NLGN1: variants seen among roughly 807,000 people sequenced by gnomAD.
NLGN1 encodes neuroligin-1.
Under a neutral mutation model 65.5 loss-of-function variants are expected in NLGN1, and 12 were observed. That is an observed-to-expected ratio of 0.18 (90% CI 0.12 to 0.30). The LOEUF (loss-of-function observed/expected upper bound fraction) is 0.30, where lower values mean the gene tolerates loss of function less well. Among genes scored for constraint, NLGN1 ranks in the 10% least tolerant of loss-of-function variants. NLGN1 has a pLI of 1.00. For missense variants in NLGN1, 750 were observed against 1,007.1 expected (o/e 0.74, Z 3.46); for synonymous variants, 350 against 359.5 (o/e 0.97, Z 0.30).
chr3:173,806,174 A>G (rs1192613888), intron 3 of NLGN1, among the ~76,000 whole-genome samples: 1 of 152,174 alleles, frequency 6.6e-6, no homozygotes, highest in Non-Finnish European at 1.5e-5. Context: ...GCAATGAGCC[A>G]TTTCCCCAAC....
intron 4 of NLGN1, among the ~76,000 whole-genome samples, chr3:173,922,854 C>T (rs776709417): frequency 1.3e-5 from 2 of 152,010 alleles, no homozygotes; most frequent in Non-Finnish European, 2.9e-5. Context: ...TTAAATTCCA[C>T]GAGCAATTCC....
chr3:173,975,166 A>C (rs886683402), intron 4 of NLGN1, among the ~76,000 whole-genome samples: 2 of 152,044 alleles, frequency 1.3e-5, no homozygotes, highest in Non-Finnish European at 2.9e-5. Flanking sequence ...TAGGTAAAGT[A>C]ATTGTCTCTT....
At chr3:173,447,306 A>G (rs894218703) in intron 2 of NLGN1, among the ~76,000 whole-genome samples, 22 of 152,172 alleles carry the variant, frequency 1.4e-4, no homozygotes, top group Admixed American at 1.3e-3. Flanking sequence ...TCCCAGCACC[A>G]TTTATTAAAT....
chr3:173,542,712 C>CTG (rs1299892004), intron 2 of NLGN1, among the ~76,000 whole-genome samples: 5 of 151,924 alleles, frequency 3.3e-5, no homozygotes, highest in Non-Finnish European at 7.4e-5. Context: ...TCTTTAGAGG[C>CTG]TTTCATTCTA....
intron 4 of NLGN1, among the ~76,000 whole-genome samples, chr3:174,084,794 G>A (rs989566577): frequency 1.2e-4 from 18 of 152,022 alleles, no homozygotes; most frequent in African/African-American, 3.1e-4. Flanking sequence ...CATGATTCAT[G>A]TTTTTATATT....
Position 174,199,079 on chromosome 3 carries a change from T to G in NLGN1, c.647-76236T>G, listed in dbSNP as rs571058624. On this transcript the variant is annotated intron_variant, in intron 4 of 6. Coordinates refer to ENST00000457714, the Ensembl canonical transcript of NLGN1. ...CCAGGCTGGTCTCGAACTCCCGACTTCAGGTGATCCGCCCACCTCGGCCTC... is the reference window on the plus strand; with the variant it reads ...CCAGGCTGGTCTCGAACTCCCGACTGCAGGTGATCCGCCCACCTCGGCCTC... 4.9e-4 allele frequency among the ~76,000 whole-genome samples: 75 copies of G among 152,186 alleles called. 2 individuals carry two copies. The highest frequency in any genetic ancestry group is 1.7e-3 in the African/African-American group (71 of 41,516).
intron 3 of NLGN1, among the ~76,000 whole-genome samples, chr3:173,632,052 AG>A (rs1175918277): frequency 6.6e-6 from 1 of 152,134 alleles, no homozygotes; most frequent in African/African-American, 2.4e-5. Context: ...TAGCAATACT[AG>A]GAGGCAGCCT....
At chr3:174,057,023 T>A (rs1052918863) in intron 4 of NLGN1, among the ~76,000 whole-genome samples, 5 of 152,050 alleles carry the variant, frequency 3.3e-5, no homozygotes, top group African/African-American at 1.2e-4. Context: ...TTTGTTATCC[T>A]TCTGTAATTT....
chr3:174,017,864 C>T (rs1043705638), intron 4 of NLGN1, among the ~76,000 whole-genome samples: 1 of 152,082 alleles, frequency 6.6e-6, no homozygotes, highest in African/African-American at 2.4e-5. Context: ...AAGTTTCGGG[C>T]ACGTGTTGTC....
At chr3:174,131,457 C>T (rs1457075005) in intron 4 of NLGN1, among the ~76,000 whole-genome samples, 1 of 152,092 alleles carries the variant, frequency 6.6e-6, no homozygotes, top group Non-Finnish European at 1.5e-5. Context: ...AGTTCTGATT[C>T]ACATGGTGGC....
intron 2 of NLGN1, among the ~76,000 whole-genome samples, chr3:173,526,491 AC>A (rs768191928): frequency 6.6e-6 from 1 of 152,108 alleles, no homozygotes; most frequent in Non-Finnish European, 1.5e-5. Context: ...TATTAGGTGT[AC>A]ATATTTATGG....
intron 4 of NLGN1, among the ~76,000 whole-genome samples, chr3:173,944,724 G>A (rs1746841930): frequency 6.6e-6 from 1 of 152,112 alleles, no homozygotes; most frequent in South Asian, 2.1e-4. Flanking sequence ...AGCTTTTTGA[G>A]TACATCTTTG....
chr3:173,685,726 G>T, intron 3 of NLGN1: 3 of 985,358 alleles, frequency 3.0e-6, no homozygotes, highest in Non-Finnish European at 3.6e-6. Flanking sequence ...AGAGTACCAA[G>T]ATTGGGTGAT....
intron 3 of NLGN1, among the ~76,000 whole-genome samples, chr3:173,795,651 GA>G (rs1403422035): frequency 9.9e-5 from 15 of 152,142 alleles, no homozygotes; most frequent in Admixed American, 7.2e-4. Context: ...TTGTCAGGTT[GA>G]AAAAGTCAAA....
intron 2 of NLGN1, among the ~76,000 whole-genome samples, chr3:173,484,275 A>G (rs1300468998): frequency 1.3e-5 from 2 of 151,420 alleles, no homozygotes; most frequent in East Asian, 3.9e-4. Flanking sequence ...TGACAAAATC[A>G]CATCCAAATG....
rs148631662 is a variant in NLGN1, at chr3:173,820,719, A to G, written c.646+12887A>G. Among the ~76,000 whole-genome samples, 384 of 152,308 alleles carry G rather than the reference A, an allele frequency of 2.5e-3. 2 individuals carry two copies. Among genetic ancestry groups the G allele is most frequent in the African/African-American group, 8.3e-3 (347 of 41,578 alleles). On this transcript the variant is annotated intron_variant, in intron 4 of 6. Transcript: ENST00000457714. ...AAAATATCCTACTCTACTGTAAGATATTTACCTATTTTCGGACCATGGTTG... is the reference window on the plus strand; with the variant it reads ...AAAATATCCTACTCTACTGTAAGATGTTTACCTATTTTCGGACCATGGTTG...
rs1044942227 is a variant in NLGN1 at position 173,908,693 on chromosome 3, C to A, written c.646+100861C>A. On this transcript the variant is annotated intron_variant, in intron 4 of 6. Coordinates refer to ENST00000457714, the Ensembl canonical transcript of NLGN1. The stretch of plus-strand genomic sequence containing the variant: ...CTAGTGGGGCTGGCAAACTCAGGGG[C>A]AATTAATACTGATGTAATTGTGGAA... Among the ~76,000 whole-genome samples the A allele has an allele frequency of 3.3e-5, 5 of 151,884 alleles. No homozygotes were observed. The East Asian group carries it at 9.7e-4, about 29-fold the overall frequency.
chr3:174,190,744 A>G (rs1031328497), intron 4 of NLGN1, among the ~76,000 whole-genome samples: 4 of 152,132 alleles, frequency 2.6e-5, no homozygotes, highest in Non-Finnish European at 5.9e-5. Flanking sequence ...TTAGCTGTAT[A>G]TAACTTAACT....
At chr3:174,264,056 G>A (rs1479691013) in intron 4 of NLGN1, among the ~76,000 whole-genome samples, 1 of 149,826 alleles carries the variant, frequency 6.7e-6, no homozygotes, top group Non-Finnish European at 1.5e-5. Context: ...GAGATCCGCT[G>A]TTAGTCTGAT....
Sources: gnomAD v4.1 joint callset for allele counts (sites outside exome capture counted in the v4.1 genomes callset) on GRCh38, gnomAD v4.1.1 for gene constraint, MANE v1.5 for transcripts, NCBI Gene and HGNC (gene_info 2026-07-23, HGNC 2026-07-21) for gene names.